BCKDHB: variants seen among roughly 807,000 people sequenced by gnomAD.
BCKDHB encodes branched chain keto acid dehydrogenase E1 subunit beta.
BCKDHB carries 41 observed loss-of-function variants against 48.5 expected under a neutral mutation model. The observed-to-expected ratio is 0.85, with a 90% CI of 0.66 to 1.10. BCKDHB has a LOEUF of 1.10. Among genes scored for constraint, BCKDHB ranks in the 50% least tolerant of loss-of-function variants. The pLI, the probability that BCKDHB is intolerant of heterozygous loss-of-function variation, is 0.00. For synonymous variants in BCKDHB, 201 were observed against 174.8 expected (o/e 1.15, Z -1.18); for missense variants, 496 against 494.2 (o/e 1.00, Z -0.03).
At chr6:80,395,064 C>G in the BCKDHB span, among the ~76,000 whole-genome samples, 15 of 152,268 alleles carry the variant, frequency 9.9e-5, no homozygotes, top group South Asian at 2.9e-3. Context: ...ATCAATTAAA[C>G]CACTTTTCAT....
chr6:80,301,961 G>C (rs1767605825), intron 9 of BCKDHB, among the ~76,000 whole-genome samples: 1 of 151,948 alleles, frequency 6.6e-6, no homozygotes, highest in Non-Finnish European at 1.5e-5. Context: ...ATCTCTTTAT[G>C]ATAACCCTCA....
intron 9 of BCKDHB, among the ~76,000 whole-genome samples, chr6:80,276,679 CT>C (rs528261650): frequency 6.2e-4 from 91 of 147,160 alleles, no homozygotes; most frequent in East Asian, 1.6e-3. Context: ...ATTCCTGCTA[CT>C]TTTTTTTTTA....
chr6:80,416,416 A>G, the BCKDHB span, among the ~76,000 whole-genome samples: 1 of 152,060 alleles, frequency 6.6e-6, no homozygotes, highest in East Asian at 1.9e-4. Flanking sequence ...GTGGTCATAT[A>G]GTATTATAAA....
intron 9 of BCKDHB, among the ~76,000 whole-genome samples, chr6:80,274,496 G>C (rs1354910826): frequency 6.6e-6 from 1 of 151,812 alleles, no homozygotes; most frequent in African/African-American, 2.4e-5. Context: ...TCAAGCCAGA[G>C]GCAAAACTGG....
Position 80,106,675 on chromosome 6 carries a change from A to C in BCKDHB, c.-19A>C. ...CGGCGTGCGGCTGCATAGCCTGAGA[A>C]TCCCGGTGGTGAGCGGGGATGGCGG... is the stretch of plus-strand genomic sequence containing the variant. On this transcript the variant is annotated 5_prime_UTR_variant, in exon 1 of 10. Transcript: ENST00000320393. 1 of 1,549,370 alleles carries C rather than the reference A, an allele frequency of 6.5e-7. No individual in the cohort carries two copies. Among genetic ancestry groups the C allele is most frequent in the Non-Finnish European group, 8.7e-7 (1 of 1,146,904 alleles).
At chr6:80,426,564 G>T in the BCKDHB span, among the ~76,000 whole-genome samples, 1 of 151,968 alleles carries the variant, frequency 6.6e-6, no homozygotes, top group Admixed American at 6.6e-5. Flanking sequence ...TTTTCCATGT[G>T]ATGTCTTCTT....
At chr6:80,452,266 T>A in the BCKDHB span, among the ~76,000 whole-genome samples, 2 of 152,184 alleles carry the variant, frequency 1.3e-5, no homozygotes, top group African/African-American at 4.8e-5. Context: ...TATATTCCAA[T>A]AGGAGGCCCT....
chr6:80,384,124 G>C, the BCKDHB span, among the ~76,000 whole-genome samples: 1 of 152,272 alleles, frequency 6.6e-6, no homozygotes, highest in Admixed American at 6.5e-5. Flanking sequence ...GGGTGTATCT[G>C]TGAGGGTGTT....
In BCKDHB at chr6:80,129,167, T is replaced by G. The variant is rs1156501104; in HGVS notation, c.281T>G (p.Phe94Cys). 1 of 1,607,168 alleles carries G rather than the reference T, an allele frequency of 6.2e-7. No homozygotes were observed. Among genetic ancestry groups the G allele is most frequent in the Non-Finnish European group, 8.5e-7 (1 of 1,175,150 alleles). ...SLAKDPTAVI[F>C]GEDVAFGGVF... ...TTTAAATACTGTTTTTCAGTAATAT[T>G]TGGTGAAGATGTTGCCTTTGGTGGA... is the stretch of plus-strand genomic sequence containing the variant. Residue 94 changes from phenylalanine (F) to cysteine (C), a missense_variant, in exon 3 of 10, where the codon TTT becomes TGT. Phe to Cys is a radical substitution (Grantham distance 205, BLOSUM62 -2). Coordinates refer to ENST00000320393, the MANE Select transcript of BCKDHB (RefSeq NM_183050.4).
At chr6:80,176,013 G>A (rs1343429090) in intron 6 of BCKDHB, among the ~76,000 whole-genome samples, 1 of 152,160 alleles carries the variant, frequency 6.6e-6, no homozygotes, top group African/African-American at 2.4e-5. Flanking sequence ...CACCTCCAAG[G>A]CTTAGTGTAG....
At chr6:80,269,883 T>C (rs1278983060) in intron 8 of BCKDHB, among the ~76,000 whole-genome samples, 1 of 152,100 alleles carries the variant, frequency 6.6e-6, no homozygotes, top group Admixed American at 6.6e-5. Flanking sequence ...ATCAAAATGC[T>C]AAATATGGTT....
intron 3 of BCKDHB, among the ~76,000 whole-genome samples, chr6:80,143,594 G>A (rs947559927): frequency 5.9e-5 from 9 of 152,148 alleles, no homozygotes; most frequent in African/African-American, 2.2e-4. Flanking sequence ...TTTCTCAGTT[G>A]CTTTGATTGG....
At chr6:80,289,142 G>T (rs1336733542) in intron 9 of BCKDHB, among the ~76,000 whole-genome samples, 2 of 152,084 alleles carry the variant, frequency 1.3e-5, no homozygotes, top group Non-Finnish European at 2.9e-5. Context: ...CTTTTTGTGA[G>T]GAAAGAGTAG....
At chr6:80,277,069 G>A (rs1777995839) in intron 9 of BCKDHB, among the ~76,000 whole-genome samples, 1 of 151,980 alleles carries the variant, frequency 6.6e-6, no homozygotes, top group South Asian at 2.1e-4. Flanking sequence ...TAGGGTATGG[G>A]AACTTTTTCA....
At chr6:80,163,358 G>T (rs1772417066) in intron 3 of BCKDHB, among the ~76,000 whole-genome samples, 1 of 145,766 alleles carries the variant, frequency 6.9e-6, no homozygotes, top group African/African-American at 2.6e-5. Context: ...AAACGGTCAT[G>T]TTAAGGTCAC....
chr6:80,257,465 A>ATATATTC (rs1362711430), intron 8 of BCKDHB, among the ~76,000 whole-genome samples: 6 of 150,202 alleles, frequency 4.0e-5, no homozygotes, highest in African/African-American at 1.5e-4. Context: ...TATATATTCT[A>ATATATTC]ATAAATAATG....
At chr6:80,251,390 G>C (rs1776831205) in intron 8 of BCKDHB, among the ~76,000 whole-genome samples, 1 of 152,168 alleles carries the variant, frequency 6.6e-6, no homozygotes, top group Non-Finnish European at 1.5e-5. Context: ...AAGGTTGGAG[G>C]ACAGTATAAA....
At chr6:80,300,793 A>T (rs1350588745) in intron 9 of BCKDHB, among the ~76,000 whole-genome samples, 3 of 152,208 alleles carry the variant, frequency 2.0e-5, no homozygotes, top group African/African-American at 7.2e-5. Flanking sequence ...AAACAAATGA[A>T]ATCATACCAA....
intron 9 of BCKDHB, among the ~76,000 whole-genome samples, chr6:80,294,195 A>C (rs950672787): frequency 2.0e-5 from 3 of 152,178 alleles, no homozygotes; most frequent in African/African-American, 7.2e-5. Context: ...GAGGAACATA[A>C]ATTGTGAAGA....
Sources: allele counts gnomAD v4.1 joint callset (sites outside exome capture counted in the v4.1 genomes callset), GRCh38; gene constraint gnomAD v4.1.1; transcripts MANE v1.5; gene names NCBI Gene and HGNC (gene_info 2026-07-23, HGNC 2026-07-21).